The following RANBP2 variants were observed in gnomAD, a reference collection of about 807,000 sequenced individuals.
RANBP2 encodes E3 SUMO-protein ligase RanBP2.
Under a neutral mutation model 303.6 loss-of-function variants are expected in RANBP2, and 57 were observed. The observed-to-expected ratio is 0.19, with a 90% CI of 0.15 to 0.23. RANBP2 has a LOEUF of 0.23. Ranked by LOEUF, RANBP2 falls within the 10% of genes least tolerant of loss-of-function variation. The pLI is 1.00. For synonymous variants in RANBP2, 1,167 were observed against 1,301.5 expected, an observed-to-expected ratio of 0.90 and a Z score of 2.23; for missense variants, 3,138 against 3,780.8, an observed-to-expected ratio of 0.83 and a Z score of 4.46.
the RANBP2 span, among the ~76,000 whole-genome samples, chr2:109,261,517 G>T: frequency 6.6e-6 from 1 of 152,208 alleles, no homozygotes; most frequent in South Asian, 2.1e-4. Context: ...ACCTGTGTGT[G>T]CAGCAGCCAG....
At chr2:108,917,449 T>G in the RANBP2 span, among the ~76,000 whole-genome samples, 15 of 152,284 alleles carry the variant, frequency 9.9e-5, no homozygotes, top group Middle Eastern at 6.8e-3. Flanking sequence ...ACGTTTGAGG[T>G]CATGGATATC....
At chr2:108,916,406 T>A in the RANBP2 span, among the ~76,000 whole-genome samples, 1 of 152,104 alleles carries the variant, frequency 6.6e-6, no homozygotes, top group Non-Finnish European at 1.5e-5. Context: ...AAACGCAGCC[T>A]AGAGAGCACA....
At chr2:109,730,764 GTCTCTC>G in the RANBP2 span, among the ~76,000 whole-genome samples, 2 of 147,336 alleles carry the variant, frequency 1.4e-5, no homozygotes, top group Non-Finnish European at 3.0e-5. Flanking sequence ...TCTCTCTGGG[GTCTCTC>G]TCTCTCTTTT....
chr2:109,692,209 T>C, the RANBP2 span, among the ~76,000 whole-genome samples: 4 of 151,272 alleles, frequency 2.6e-5, no homozygotes, highest in Non-Finnish European at 5.9e-5. Context: ...AAAGGCCACA[T>C]GGTACGTGAT....
At chr2:109,206,312 A>T in the RANBP2 span, among the ~76,000 whole-genome samples, 1 of 151,914 alleles carries the variant, frequency 6.6e-6, no homozygotes, top group Admixed American at 6.6e-5. Flanking sequence ...AACATGGTGA[A>T]ACCCTGTCTC....
the RANBP2 span, among the ~76,000 whole-genome samples, chr2:108,987,646 T>C: frequency 6.6e-6 from 1 of 152,242 alleles, no homozygotes; most frequent in Non-Finnish European, 1.5e-5. Flanking sequence ...CCAACTGTGC[T>C]GTCACAAATT....
the RANBP2 span, among the ~76,000 whole-genome samples, chr2:109,186,285 C>A: frequency 6.6e-6 from 1 of 152,230 alleles, no homozygotes; most frequent in African/African-American, 2.4e-5. Flanking sequence ...TTCATGTAAT[C>A]CTGACTGCAG....
At chr2:109,690,116 C>A in the RANBP2 span, among the ~76,000 whole-genome samples, 1 of 152,092 alleles carries the variant, frequency 6.6e-6, no homozygotes, top group Non-Finnish European at 1.5e-5. Context: ...CAGGTCTCAG[C>A]CAATTTAGGA....
the RANBP2 span, among the ~76,000 whole-genome samples, chr2:109,489,675 T>A: frequency 6.8e-6 from 1 of 148,060 alleles, no homozygotes; most frequent in Non-Finnish European, 1.5e-5. Context: ...CGGGGCCTAT[T>A]TTGGACATTT....
chr2:109,029,396 G>T, the RANBP2 span, among the ~76,000 whole-genome samples: 13 of 152,182 alleles, frequency 8.5e-5, no homozygotes, highest in African/African-American at 3.1e-4. Flanking sequence ...ACTTCATTAG[G>T]GTAAGGAAGG....
At chr2:109,383,590 G>C in the RANBP2 span, among the ~76,000 whole-genome samples, 6 of 152,294 alleles carry the variant, frequency 3.9e-5, no homozygotes, top group South Asian at 4.2e-4. Flanking sequence ...TCCGGGAAAT[G>C]CCCAAACCGT....
the RANBP2 span, chr2:108,876,333 CAAGTA>C: frequency 6.5e-6 from 5 of 768,038 alleles, no homozygotes; most frequent in Admixed American, 1.1e-4. Flanking sequence ...ACAATTCTAC[CAAGTA>C]AAGTTATCAG....
chr2:109,042,605 A>G, the RANBP2 span, among the ~76,000 whole-genome samples: 1,025 of 152,258 alleles, frequency 6.7e-3, 6 homozygotes, highest in East Asian at 0.035. Flanking sequence ...CCTAACTTTG[A>G]TGTTCTCCTG....
the RANBP2 span, among the ~76,000 whole-genome samples, chr2:109,248,591 C>T: frequency 1.1e-3 from 166 of 152,334 alleles, 1 homozygote; most frequent in African/African-American, 3.8e-3. Flanking sequence ...AACCTTGAGA[C>T]ATTAATTGAC....
the RANBP2 span, chr2:109,545,431 C>A: frequency 2.6e-6 from 4 of 1,535,944 alleles, no homozygotes; most frequent in Middle Eastern, 1.7e-4. Flanking sequence ...CTACTCATGG[C>A]TGCCCCCTTG....
the RANBP2 span, among the ~76,000 whole-genome samples, chr2:109,464,164 C>T: frequency 1.3e-5 from 2 of 152,210 alleles, no homozygotes; most frequent in Non-Finnish European, 2.9e-5. Context: ...GAGCTCACCA[C>T]TTAATGAGGG....
chr2:109,420,515 G>A, the RANBP2 span, among the ~76,000 whole-genome samples: 11 of 152,012 alleles, frequency 7.2e-5, no homozygotes, highest in Non-Finnish European at 1.2e-4. Context: ...GCGCGATCCC[G>A]GCTCACTGCA....
chr2:109,144,941 C>T, the RANBP2 span, among the ~76,000 whole-genome samples: 4 of 152,320 alleles, frequency 2.6e-5, no homozygotes, highest in South Asian at 2.1e-4. Context: ...GTGGGGTGAG[C>T]GCGTTCAGTG....
At chr2:108,798,708 T>TACACACACACACAAACAC in the RANBP2 span, 6 of 429,066 alleles carry the variant, frequency 1.4e-5, no homozygotes, top group Non-Finnish European at 2.5e-5. Flanking sequence ...TCTCCACGCC[T>TACACACACACACAAACAC]ACACACACAC....
Sources: gnomAD v4.1 joint callset for allele counts (sites outside exome capture counted in the v4.1 genomes callset) on GRCh38, gnomAD v4.1.1 for gene constraint, MANE v1.5 for transcripts, NCBI Gene and HGNC (gene_info 2026-07-23, HGNC 2026-07-21) for gene names.